The following KCNQ3 variants were observed in gnomAD, a reference collection of about 807,000 sequenced individuals.
The protein encoded by KCNQ3 is potassium voltage-gated channel subfamily Q member 3, also known as potassium voltage-gated channel subfamily KQT member 3.
KCNQ3 carries 30 observed loss-of-function variants against 92.5 expected under a neutral mutation model. The ratio of observed to expected loss-of-function variants is 0.32; its 90% CI spans 0.24 to 0.44. The LOEUF (loss-of-function observed/expected upper bound fraction) is 0.44. KCNQ3 is among the 20% of genes least tolerant of loss of function. The pLI, the probability that KCNQ3 is intolerant of heterozygous loss-of-function variation, is 1.00. For synonymous variants in KCNQ3, 450 were observed against 468.8 expected, an observed-to-expected ratio of 0.96 and a Z score of 0.52; for missense variants, 913 against 1,140.3, an observed-to-expected ratio of 0.80 and a Z score of 2.87.
At position 132,307,367 on chromosome 8, in the gene KCNQ3, CAA is replaced by C. The variant is rs374539616; in HGVS notation, c.387-121188_387-121187del. Among the ~76,000 whole-genome samples the C allele has an allele frequency of 4.7e-3, 719 of 152,260 alleles. 4 individuals are homozygous for C. Among genetic ancestry groups the C allele is most frequent in the African/African-American group, 0.017 (697 of 41,538 alleles). On this transcript the variant is annotated intron_variant, in intron 1 of 14. Coordinates refer to ENST00000388996, the MANE Select transcript of KCNQ3 (RefSeq NM_004519.4). ...ACGCCCCTTAGGTTTGTGGCTGATT[CAA>C]GAGGGAGCTAGTGGTCACCCCAGTG...
chr8:132,362,479 A>G (rs1190132898), intron 1 of KCNQ3, among the ~76,000 whole-genome samples: 1 of 152,126 alleles, frequency 6.6e-6, no homozygotes, highest in Non-Finnish European at 1.5e-5. Context: ...ACAAACAAAA[A>G]CCATGCCCTT....
At chr8:132,185,915 A>G (rs1434166862) in intron 2 of KCNQ3, among the ~76,000 whole-genome samples, 176 bp downstream of exon 2, 5 of 152,144 alleles carry the variant, frequency 3.3e-5, no homozygotes, top group African/African-American at 9.7e-5. Flanking sequence ...TTCACCCCAC[A>G]TGTGCCCATG....
At chr8:132,187,906 G>GTGGTGGTGGTGGTGGTAGTGATAGTGA (rs61354265) in intron 1 of KCNQ3, among the ~76,000 whole-genome samples, 4 of 90,184 alleles carry the variant, frequency 4.4e-5, no homozygotes, top group African/African-American at 2.3e-4. Context: ...GGTGGTGATG[G>GTGGTGGTGGTGGTGGTAGTGATAGTGA]TGGTGGTGGT....
At chr8:132,232,538 A>T (rs1814677259) in intron 1 of KCNQ3, among the ~76,000 whole-genome samples, 1 of 152,242 alleles carries the variant, frequency 6.6e-6, no homozygotes, top group East Asian at 1.9e-4. Context: ...ATTCCTTAAA[A>T]GCATTGGCTG....
intron 1 of KCNQ3, among the ~76,000 whole-genome samples, chr8:132,467,358 C>G (rs747853262): frequency 4.6e-5 from 7 of 152,162 alleles, no homozygotes. Context: ...AACAATGGTG[C>G]TACCCCACAG....
At chr8:132,387,226 C>A (rs1189210349) in intron 1 of KCNQ3, among the ~76,000 whole-genome samples, 4 of 152,192 alleles carry the variant, frequency 2.6e-5, no homozygotes, top group Admixed American at 2.6e-4. Context: ...AAATAGGGCT[C>A]ATGCCAAGAA....
At chr8:132,178,665 G>A (rs1025555313) in intron 4 of KCNQ3, among the ~76,000 whole-genome samples, 8 of 152,022 alleles carry the variant, frequency 5.3e-5, no homozygotes, top group Admixed American at 1.3e-4. Flanking sequence ...ATTCTACTCC[G>A]AGATGCAATC....
chr8:132,176,661 G>A (rs1019070254), intron 4 of KCNQ3, among the ~76,000 whole-genome samples: 1 of 152,164 alleles, frequency 6.6e-6, no homozygotes, highest in Non-Finnish European at 1.5e-5. Flanking sequence ...CATGGGTCCT[G>A]CAGTCTGAAT....
chr8:132,474,823 A>G (rs1445728383), intron 1 of KCNQ3, among the ~76,000 whole-genome samples: 1 of 152,096 alleles, frequency 6.6e-6, no homozygotes, highest in Non-Finnish European at 1.5e-5. Flanking sequence ...TGCCTGGGGA[A>G]GCTGGGCCAA....
At chr8:132,210,776 A>T (rs749123238) in intron 1 of KCNQ3, among the ~76,000 whole-genome samples, 3 of 152,222 alleles carry the variant, frequency 2.0e-5, no homozygotes, top group Non-Finnish European at 4.4e-5. Flanking sequence ...CTCTAGCAAG[A>T]TGGTGCTGTA....
intron 12 of KCNQ3, 27 bp from the exon 13 acceptor site, chr8:132,134,415 T>A: frequency 6.9e-7 from 1 of 1,453,170 alleles, no homozygotes; most frequent in Non-Finnish European, 9.7e-7. Context: ...GAGCAGGGAT[T>A]AAATTACACA....
chr8:132,291,257 C>A (rs1816826671), intron 1 of KCNQ3, among the ~76,000 whole-genome samples: 1 of 152,170 alleles, frequency 6.6e-6, no homozygotes, highest in African/African-American at 2.4e-5. Context: ...TTGCCTTCCT[C>A]ATTTTAAACA....
intron 1 of KCNQ3, among the ~76,000 whole-genome samples, chr8:132,259,279 A>G (rs1337843634): frequency 6.6e-6 from 1 of 152,136 alleles, no homozygotes; most frequent in Non-Finnish European, 1.5e-5. Context: ...CTAATTCAAT[A>G]ACAAATAAAA....
intron 1 of KCNQ3, among the ~76,000 whole-genome samples, chr8:132,253,104 T>C (rs570600045): frequency 1.3e-5 from 2 of 152,274 alleles, no homozygotes; most frequent in South Asian, 2.1e-4. Context: ...TACCTACCTA[T>C]CCATTCAAAC....
chr8:132,289,424 G>A (rs1044612509), intron 1 of KCNQ3, among the ~76,000 whole-genome samples: 12 of 152,156 alleles, frequency 7.9e-5, no homozygotes, highest in African/African-American at 2.9e-4. Context: ...GAAGTCTAGG[G>A]GAGAATCCTT....
chr8:132,275,475 C>T (rs1471771167), intron 1 of KCNQ3, among the ~76,000 whole-genome samples: 1 of 152,130 alleles, frequency 6.6e-6, no homozygotes. Context: ...AACAGCAAAA[C>T]CCCAGCCTTT....
chr8:132,234,643 C>T (rs991830806), intron 1 of KCNQ3, among the ~76,000 whole-genome samples: 2 of 152,142 alleles, frequency 1.3e-5, no homozygotes, highest in Admixed American at 6.5e-5. Context: ...AACAAACACA[C>T]GAGGTAAGTA....
At position 132,197,818 on chromosome 8, in the gene KCNQ3, T is replaced by C. The variant is rs138688317; in HGVS notation, c.387-11637A>G. On this transcript the variant is annotated intron_variant, in intron 1 of 14. Transcript: ENST00000388996. Reference sequence around the variant, plus strand: ...AAAAGTTTCATGCCAGGGTAATAGGTACTACAAAGTGATGTGAGGTTTCAC... The same window carrying C: ...AAAAGTTTCATGCCAGGGTAATAGGCACTACAAAGTGATGTGAGGTTTCAC... 1.8e-3 allele frequency among the ~76,000 whole-genome samples: 275 copies of C among 152,316 alleles called. 1 individual carries two copies. Among genetic ancestry groups the C allele is most frequent in the African/African-American group, 6.4e-3 (264 of 41,570 alleles).
chr8:132,243,664 C>A (rs1187533530), intron 1 of KCNQ3, among the ~76,000 whole-genome samples: 1 of 152,192 alleles, frequency 6.6e-6, no homozygotes, highest in Non-Finnish European at 1.5e-5. Flanking sequence ...TGATTCCCAA[C>A]TTAACAGCTG....
Sources: allele counts gnomAD v4.1 joint callset (sites outside exome capture counted in the v4.1 genomes callset), GRCh38; gene constraint gnomAD v4.1.1; transcripts MANE v1.5; gene names NCBI Gene and HGNC (gene_info 2026-07-23, HGNC 2026-07-21).